The following PRKG1 variants were observed in gnomAD, a reference collection of about 807,000 sequenced individuals.
PRKG1 encodes protein kinase cGMP-dependent 1.
PRKG1 carries 35 observed loss-of-function variants against 88.1 expected under a neutral mutation model. That is an observed-to-expected ratio of 0.40 (90% CI 0.30 to 0.53). PRKG1 has a LOEUF of 0.53. Among genes scored for constraint, PRKG1 ranks in the 20% least tolerant of loss-of-function variants. PRKG1 has a pLI of 0.59. For missense variants in PRKG1, 540 were observed against 839.8 expected, an observed-to-expected ratio of 0.64 and a Z score of 4.41; for synonymous variants, 303 against 292.5, an observed-to-expected ratio of 1.04 and a Z score of -0.37.
chr10:51,630,790 A>C (rs547005286), intron 3 of PRKG1, among the ~76,000 whole-genome samples: 2 of 152,216 alleles, frequency 1.3e-5, no homozygotes, highest in Non-Finnish European at 2.9e-5. Context: ...CTAAAAGTTC[A>C]TGACAAATGT....
chr10:51,878,508 T>G (rs1162247091), intron 4 of PRKG1, among the ~76,000 whole-genome samples: 2 of 152,182 alleles, frequency 1.3e-5, no homozygotes, highest in Non-Finnish European at 2.9e-5. Context: ...ACAACCATTC[T>G]AAATGATTTT....
At chr10:51,795,742 T>C (rs960631507) in intron 3 of PRKG1, among the ~76,000 whole-genome samples, 1 of 152,074 alleles carries the variant, frequency 6.6e-6, no homozygotes, top group South Asian at 2.1e-4. Flanking sequence ...AAGTACCTTA[T>C]GATGTGAGCT....
At chr10:51,559,369 A>T (rs909527031) in intron 3 of PRKG1, among the ~76,000 whole-genome samples, 2 of 152,104 alleles carry the variant, frequency 1.3e-5, no homozygotes, top group African/African-American at 4.8e-5. Flanking sequence ...GGAAGTAAAT[A>T]ATGCATACAA....
At chr10:51,169,333 T>G (rs1475103893) in intron 2 of PRKG1, among the ~76,000 whole-genome samples, 1 of 152,208 alleles carries the variant, frequency 6.6e-6, no homozygotes, top group Non-Finnish European at 1.5e-5. Flanking sequence ...TTTAAAGTTT[T>G]CTTGCTAAGT....
At chr10:51,274,891 A>T (rs1337296728) in intron 2 of PRKG1, among the ~76,000 whole-genome samples, 2 of 152,126 alleles carry the variant, frequency 1.3e-5, no homozygotes, top group Non-Finnish European at 2.9e-5. Flanking sequence ...CACATGGAGG[A>T]TGGATAGTTG....
At chr10:52,111,646 A>C (rs1424187463) in intron 7 of PRKG1, among the ~76,000 whole-genome samples, 1 of 152,206 alleles carries the variant, frequency 6.6e-6, no homozygotes, top group African/African-American at 2.4e-5. Flanking sequence ...AGATATAAAT[A>C]GTTTGTTCTT....
chr10:52,124,062 G>A (rs562745133), intron 7 of PRKG1, among the ~76,000 whole-genome samples: 18 of 152,270 alleles, frequency 1.2e-4, no homozygotes, highest in South Asian at 1.0e-3. Context: ...GTGGCTAATG[G>A]GTGAGGAGCA....
At chr10:51,804,253 C>T (rs538252326) in intron 3 of PRKG1, among the ~76,000 whole-genome samples, 1 of 152,144 alleles carries the variant, frequency 6.6e-6, no homozygotes, top group South Asian at 2.1e-4. Flanking sequence ...TTTCTTCACG[C>T]TATTTTCTTC....
At chr10:51,347,996 G>C (rs1201431) in intron 2 of PRKG1, among the ~76,000 whole-genome samples, 40,136 of 151,786 alleles carry the variant, frequency 0.26, 5,362 homozygotes, top group East Asian at 0.34. Context: ...CCGGGAGGCG[G>C]AGCTTGCAGT....
At chr10:51,013,457 C>A (rs1173340402) in intron 1 of PRKG1, among the ~76,000 whole-genome samples, 3 of 152,156 alleles carry the variant, frequency 2.0e-5, no homozygotes, top group African/African-American at 4.8e-5. Context: ...GTGGTGCGAT[C>A]TCGGCTCACC....
Position 51,372,853 on chromosome 10 carries a change from C to T in PRKG1, c.479-94870C>T, listed in dbSNP as rs143498462. Among the ~76,000 whole-genome samples the T allele has an allele frequency of 4.6e-3, 705 of 152,158 alleles. 7 individuals are homozygous for T. The highest frequency in any genetic ancestry group is 0.016 in the African/African-American group (683 of 41,530). ...AATTTATTGATTTTTAGTTGATAAA[C>T]CAATCTTATATTCCTGGAATAAACC... On this transcript the variant is annotated intron_variant, in intron 2 of 17. Coordinates refer to ENST00000373980, the MANE Select transcript of PRKG1 (RefSeq NM_006258.4).
chr10:51,942,835 A>G (rs1361518095), intron 5 of PRKG1, among the ~76,000 whole-genome samples: 3 of 150,986 alleles, frequency 2.0e-5, no homozygotes, highest in African/African-American at 7.4e-5. Context: ...TACCAGTACC[A>G]TGCTGTTTTG....
intron 2 of PRKG1, among the ~76,000 whole-genome samples, chr10:51,447,343 C>T (rs1235292329): frequency 1.3e-5 from 2 of 151,954 alleles, no homozygotes; most frequent in Non-Finnish European, 2.9e-5. Context: ...TTCAGCTGAC[C>T]AACACAAGGA....
chr10:51,910,535 C>T (rs1210962252), intron 5 of PRKG1: 1 of 152,020 alleles, frequency 6.6e-6, no homozygotes, highest in Non-Finnish European at 1.5e-5. Flanking sequence ...AAAGGGAAAT[C>T]AGGAGCCTTG....
chr10:51,054,502 A>T (rs1298252487), intron 1 of PRKG1, among the ~76,000 whole-genome samples: 1 of 152,166 alleles, frequency 6.6e-6, no homozygotes, highest in Non-Finnish European at 1.5e-5. Context: ...GAGTTCCAGA[A>T]TTCTAGAGGA....
At chr10:51,719,139 T>TTA (rs1231929001) in intron 3 of PRKG1, among the ~76,000 whole-genome samples, 4 of 131,804 alleles carry the variant, frequency 3.0e-5, no homozygotes, top group African/African-American at 1.1e-4. Context: ...GACAGAGCAA[T>TTA]ATCCTGTCTC....
At chr10:52,128,220 A>AT (rs1233893471) in intron 7 of PRKG1, 1 of 985,316 alleles carries the variant, frequency 1.0e-6, no homozygotes, top group Non-Finnish European at 1.2e-6. Flanking sequence ...TCGAGTTTCC[A>AT]TGAAGGCTGG....
At chr10:51,638,263 A>G (rs1301541348) in intron 3 of PRKG1, among the ~76,000 whole-genome samples, 2 of 152,258 alleles carry the variant, frequency 1.3e-5, no homozygotes, top group East Asian at 1.9e-4. Context: ...CCATTTTGGA[A>G]TCTCATCTTA....
intron 3 of PRKG1, among the ~76,000 whole-genome samples, chr10:51,534,972 T>C (rs1360683880): frequency 1.3e-5 from 2 of 152,160 alleles, no homozygotes; most frequent in African/African-American, 2.4e-5. Context: ...AAAGTAGTTA[T>C]CTGGTTTTTG....
Sources: allele counts gnomAD v4.1 joint callset (sites outside exome capture counted in the v4.1 genomes callset), GRCh38; gene constraint gnomAD v4.1.1; transcripts MANE v1.5; gene names NCBI Gene and HGNC (gene_info 2026-07-23, HGNC 2026-07-21).